PSG9: variants seen among roughly 807,000 people sequenced by gnomAD.
PSG9 encodes the protein pregnancy-specific beta-1-glycoprotein 9.
Under a neutral mutation model 41.9 loss-of-function variants are expected in PSG9, and 49 were observed. That is an observed-to-expected ratio of 1.17 (90% confidence interval 0.93 to 1.48). The LOEUF (loss-of-function observed/expected upper bound fraction) is 1.48, where lower values mean the gene tolerates loss of function less well. Ranked by LOEUF, PSG9 falls within the 40% of genes most tolerant of loss-of-function variation. PSG9 has a pLI of 0.00. For missense variants in PSG9, 641 were observed against 520.3 expected, an observed-to-expected ratio of 1.23 and a Z score of -2.26; for synonymous variants, 263 against 196.8, an observed-to-expected ratio of 1.34 and a Z score of -2.82.
Position 43,259,099 on chromosome 19 carries a change from A to G in PSG9, c.746T>C (p.Leu249Ser), listed in dbSNP as rs758176426. ...LPIPYITINN[L>S]NPRENKDVLA... ...GACATCCTTATTCTCCCTGGGGTTT[A>G]AGTTGTTGATGGTGATGTAGGGGAT... The change falls in exon 4 of 6, where the codon TTA becomes TCA. Residue 249 changes from leucine to serine, a missense_variant. Coordinates refer to ENST00000270077, the MANE Select transcript of PSG9 (RefSeq NM_002784.5). 1.3e-6 allele frequency: 2 copies of G among 1,590,282 alleles called. No homozygotes were observed. Among genetic ancestry groups the G allele is most frequent in the Non-Finnish European group, 1.7e-6 (2 of 1,174,326 alleles).
rs764735718 is a variant in PSG9 at position 43,258,190 on chromosome 19, G to A, written c.1243+12C>T. ...TAAAACCCTACTGCCAAGGATGCTG[G>A]GATCCACTTACCAGAGACTTTGACT... On this transcript the variant is annotated intron_variant, in intron 5 of 5. Transcript: ENST00000270077. 6 of 1,592,536 alleles carry A rather than the reference G, an allele frequency of 3.8e-6. No homozygotes were observed. Among genetic ancestry groups the A allele is most frequent in the Non-Finnish European group, 5.1e-6 (6 of 1,174,434 alleles).
intron 2 of PSG9, 122 bp downstream of exon 2, chr19:43,267,662 C>A (rs1969034022): frequency 6.6e-7 from 1 of 1,524,622 alleles, no homozygotes; most frequent in Non-Finnish European, 9.1e-7. Flanking sequence ...AATGCCCAAA[C>A]CCCAGCATGG....
rs559241251 is a variant in PSG9 at position 43,258,147 on chromosome 19, A to G, written c.1243+55T>C. On this transcript the variant is annotated intron_variant, in intron 5 of 5. Coordinates refer to ENST00000270077, the MANE Select transcript of PSG9 (RefSeq NM_002784.5). ...AATGTTTTCCTGACTCTTCTCTGAAAGCCAGATAGACTCCACATAAAACCC... is the reference window on the plus strand; with the variant it reads ...AATGTTTTCCTGACTCTTCTCTGAAGGCCAGATAGACTCCACATAAAACCC... 110 of 1,591,888 alleles carry G rather than the reference A, an allele frequency of 6.9e-5. 9 individuals carry two copies. The South Asian group carries it at 1.1e-3, about 16-fold the overall frequency.
At chr19:43,261,483 A>T (rs1968707452) in intron 3 of PSG9, among the ~76,000 whole-genome samples, 1 of 152,106 alleles carries the variant, frequency 6.6e-6, no homozygotes, top group Non-Finnish European at 1.5e-5. Flanking sequence ...GAATAATGTC[A>T]CAAGCGATAT....
chr19:43,268,005 C>G lies in PSG9; in HGVS notation c.209G>C (p.Gly70Ala). The change falls in exon 2 of 6, where the codon GGG becomes GCG. Residue 70 changes from glycine to alanine, a missense_variant. Transcript: ENST00000270077. ...QNLPGYFWYK[G>A]EMTDLYHYII... ...GTAATGGTAGAGGTCCGTCATTTCCCCTTTGTACCAGAAGTAGCCAGGAAG... is the reference window on the plus strand; with the variant it reads ...GTAATGGTAGAGGTCCGTCATTTCCGCTTTGTACCAGAAGTAGCCAGGAAG... The G allele has an allele frequency of 6.2e-7, 1 of 1,613,818 alleles. No individual in the cohort carries two copies. The highest frequency in any genetic ancestry group is 8.5e-7 in the Non-Finnish European group (1 of 1,179,874).
chr19:43,261,528 G>C (rs1968710770), intron 3 of PSG9, among the ~76,000 whole-genome samples: 1 of 152,162 alleles, frequency 6.6e-6, no homozygotes, highest in African/African-American at 2.4e-5. Context: ...GTCTGTGGAA[G>C]GGCCACAGTG....
At chr19:43,261,730 T>A (rs1968722834) in intron 3 of PSG9, 130 bp downstream of exon 3, 1 of 1,606,342 alleles carries the variant, frequency 6.2e-7, no homozygotes, top group African/African-American at 1.3e-5. Context: ...GGGCAGAAAG[T>A]CATGGCCAGC....
intron 2 of PSG9, among the ~76,000 whole-genome samples, chr19:43,263,592 A>C (rs1383808260): frequency 1.1e-5 from 1 of 87,418 alleles, no homozygotes; most frequent in East Asian, 6.4e-4. Flanking sequence ...CTCTAGTAAC[A>C]AAAAAAAAAA....
chr19:43,266,117 C>A (rs1395141218), intron 2 of PSG9, among the ~76,000 whole-genome samples: 1 of 151,696 alleles, frequency 6.6e-6, no homozygotes, highest in African/African-American at 2.4e-5. Context: ...GAGGCAGAGA[C>A]ACCATGGCAG....
rs10417534 is a variant in PSG9, at chr19:43,261,930, T to C, written c.639A>G (p.Gly213=). Residue 213 remains glycine, a synonymous_variant, in exon 3 of 6, where the codon GGA becomes GGG. Coordinates refer to ENST00000270077, the MANE Select transcript of PSG9 (RefSeq NM_002784.5). ...GGTTCCGTATTTCACATTCATAGGG[T>C]CCTGCAATATACTTTGTGACACCAA... ...YLFGVTKYIA[G]PYECEIRNPV... 2.1e-3 allele frequency: 3,321 copies of C among 1,613,990 alleles called. 76 individuals are homozygous for C. The African/African-American group carries it at 0.039, about 19-fold the overall frequency.
Position 43,258,391 on chromosome 19 carries a change from A to G in PSG9, c.1054T>C (p.Leu352=). The G allele has an allele frequency of 1.9e-6, 3 of 1,592,476 alleles. 1 individual carries two copies. Among genetic ancestry groups the G allele is most frequent in the South Asian group, 1.1e-5 (1 of 89,858 alleles). ...GGGTTAGATTCCGTGAAGCAGGACA[A>G]GTCGAGGTTTTCTCCTGAACGGTAA... ...TYYRSGENLD[L]SCFTESNPPA... is the part of the protein sequence containing the mutation. Residue 352 remains leucine (L), a synonymous_variant, in exon 5 of 6, where the codon TTG becomes CTG. Transcript: ENST00000270077.
Position 43,261,955 on chromosome 19 carries a change from AATAG to A in PSG9, c.610_613del (p.Phe205ValfsTer18), listed in dbSNP as rs561846842. The A allele has an allele frequency of 4.1e-4, 657 of 1,614,058 alleles. 8 individuals are homozygous for A. The Admixed American group carries it at 6.1e-3, about 15-fold the overall frequency. ...TCCTGCAATATACTTTGTGACACCA[AATAG>A]ATAGAGGGTCCTGTTGGTTTTGGAC... On this transcript the variant is annotated frameshift_variant, in exon 3 of 6. Transcript: ENST00000270077. LOFTEE classifies it high-confidence loss of function.
At position 43,258,709 on chromosome 19, in the gene PSG9, T is replaced by A. The variant is rs376420041; in HGVS notation, c.988+148A>T. ...TTGGTTAAGGCTGTGCCTACCCAGGTTTTCCCAGGGCAGGGAGTCATGGCC... is the reference window on the plus strand; with the variant it reads ...TTGGTTAAGGCTGTGCCTACCCAGGATTTCCCAGGGCAGGGAGTCATGGCC... On this transcript the variant is annotated intron_variant, in intron 4 of 5. Coordinates refer to ENST00000270077, the MANE Select transcript of PSG9 (RefSeq NM_002784.5). The A allele has an allele frequency of 3.0e-4, 425 of 1,400,846 alleles. 75 individuals carry two copies. The East Asian group carries it at 6.1e-3, about 20-fold the overall frequency. 86.8% of individuals were successfully genotyped at this position (1,400,846 alleles called of 1,614,324 possible).
At chr19:43,258,547 C>T (rs1968549974) in intron 4 of PSG9, 91 bp from the exon 5 acceptor site, 2 of 1,485,396 alleles carry the variant, frequency 1.3e-6, no homozygotes, top group Non-Finnish European at 1.8e-6. Context: ...CCCTCTGAGC[C>T]AAGACACACC....
rs114293840 is a variant in PSG9, at chr19:43,262,072, C to T, written c.497G>A (p.Arg166His). 3,179 of 1,613,940 alleles carry T rather than the reference C, an allele frequency of 2.0e-3. 55 individuals are homozygous for T. In the African/African-American group the frequency reaches 0.035, roughly 18 times the overall value. ...CAGAGTCTCAGGATCACAGATTAAG[C>T]GCACAGCCTCCATGGCCTCCCTGGG... ...LNPREAMEAV[R>H]LICDPETLDA... Residue 166 changes from arginine to histidine, a missense_variant, in exon 3 of 6, where the codon CGC becomes CAC. Physicochemically the swap from Arg to His is conservative, Grantham distance 29. Transcript: ENST00000270077.
rs372052733 is a variant in PSG9, at chr19:43,267,908, A to G, written c.306T>C (p.Tyr102=). Residue 102 remains tyrosine (Y), a synonymous_variant, in exon 2 of 6, where the codon TAT becomes TAC. Transcript: ENST00000270077. ...GPAYSGRETV[Y]SNASLLIQNV... ...TCTGGATCAGCAGGGATGCGTTGGA[A>G]TATACTGTTTCTCTTCCACTGTATG... 1 of 1,613,820 alleles carries G rather than the reference A, an allele frequency of 6.2e-7. No individual in the cohort carries two copies. The highest frequency in any genetic ancestry group is 8.5e-7 in the Non-Finnish European group (1 of 1,179,774).
chr19:43,268,263 C>G lies in PSG9; in HGVS notation c.65-114G>C, dbSNP rs73553915. 5 of 1,390,694 alleles carry G rather than the reference C, an allele frequency of 3.6e-6. 1 individual carries two copies. In the African/African-American group the frequency reaches 7.3e-5, roughly 20 times the overall value. 86.1% of individuals were successfully genotyped at this position (1,390,694 alleles called of 1,614,324 possible). On this transcript the variant is annotated intron_variant, in intron 1 of 5. Coordinates refer to ENST00000270077, the MANE Select transcript of PSG9 (RefSeq NM_002784.5). Reference sequence around the variant, plus strand: ...ATCCTCAGCCTTGAAGATACACACACGCACACATACAAACAAACACACACA... The same window carrying G: ...ATCCTCAGCCTTGAAGATACACACAGGCACACATACAAACAAACACACACA...
intron 3 of PSG9, among the ~76,000 whole-genome samples, chr19:43,261,539 AC>A (rs1413905808): frequency 6.6e-6 from 1 of 152,116 alleles, no homozygotes; most frequent in Non-Finnish European, 1.5e-5. Flanking sequence ...GGCCACAGTG[AC>A]CCTGTGAGCC....
rs1482402088 is a variant in PSG9, at chr19:43,257,073, T to G, written c.1243+1129A>C. On this transcript the variant is annotated intron_variant, in intron 5 of 5. Coordinates refer to ENST00000270077, the MANE Select transcript of PSG9 (RefSeq NM_002784.5). ...GCAAAATGGATGAACCTTGAAGATATTATGCTAACTGAAATAAACCAGACA... is the reference window on the plus strand; with the variant it reads ...GCAAAATGGATGAACCTTGAAGATAGTATGCTAACTGAAATAAACCAGACA... 2 of 147,184 alleles carry G rather than the reference T, an allele frequency of 1.4e-5. 1 individual carries two copies. Among genetic ancestry groups the G allele is most frequent in the Admixed American group, 1.4e-4 (2 of 14,784 alleles). The allele number at this position is 147,184 out of a possible 1,614,324, so 9.1% of individuals were successfully genotyped here.
Sources: gnomAD v4.1 joint callset for allele counts (sites outside exome capture counted in the v4.1 genomes callset) on GRCh38, gnomAD v4.1.1 for gene constraint, MANE v1.5 for transcripts, NCBI Gene and HGNC (gene_info 2026-07-23, HGNC 2026-07-21) for gene names.